Variants in VAV3 observed in about 807,000 individuals in gnomAD.
The protein encoded by VAV3 is guanine nucleotide exchange factor VAV3.
Under a neutral mutation model 131.2 loss-of-function variants are expected in VAV3, and 94 were observed. That is an observed-to-expected ratio of 0.72 (90% confidence interval 0.61 to 0.85). The LOEUF is 0.85. Ranked by LOEUF, VAV3 falls within the 40% of genes least tolerant of loss-of-function variation. VAV3 has a pLI of 0.00. For synonymous variants in VAV3, 349 were observed against 342.0 expected (o/e 1.02, Z -0.22); for missense variants, 939 against 1,002.7 (o/e 0.94, Z 0.86).
intron 20 of VAV3, among the ~76,000 whole-genome samples, chr1:107,631,016 G>C (rs1330898967): frequency 3.3e-5 from 5 of 152,076 alleles, no homozygotes; most frequent in Non-Finnish European, 5.9e-5. Flanking sequence ...GATCTTAAGT[G>C]CTTTTTTCAA....
intron 2 of VAV3, among the ~76,000 whole-genome samples, chr1:107,831,894 T>C (rs148213914): frequency 1.3e-3 from 192 of 152,340 alleles, no homozygotes; most frequent in African/African-American, 4.2e-3. Context: ...GTATGTAAAA[T>C]TGCACCACAT....
intron 2 of VAV3, among the ~76,000 whole-genome samples, chr1:107,824,424 G>A (rs962569820): frequency 3.3e-5 from 5 of 152,092 alleles, no homozygotes; most frequent in Admixed American, 6.5e-5. Context: ...GGCCCCATAC[G>A]GAGGTTCAAA....
intron 4 of VAV3, among the ~76,000 whole-genome samples, chr1:107,773,879 C>T (rs923073579): frequency 6.6e-6 from 1 of 152,092 alleles, no homozygotes; most frequent in African/African-American, 2.4e-5. Flanking sequence ...TGGAGGGGAT[C>T]CTGTTTGGAA....
intron 1 of VAV3, among the ~76,000 whole-genome samples, chr1:107,904,438 G>A (rs1274333255): frequency 6.6e-6 from 1 of 152,090 alleles, no homozygotes; most frequent in African/African-American, 2.4e-5. Context: ...AATCACCAAC[G>A]ACCTCTCAAC....
At chr1:107,838,336 C>G (rs1668562401) in intron 2 of VAV3, among the ~76,000 whole-genome samples, 1 of 152,138 alleles carries the variant, frequency 6.6e-6, no homozygotes, top group African/African-American at 2.4e-5. Context: ...ACACAAGTCT[C>G]CAACAAACAT....
At chr1:107,738,426 A>G (rs1346368095) in intron 15 of VAV3, among the ~76,000 whole-genome samples, 2 of 152,244 alleles carry the variant, frequency 1.3e-5, no homozygotes, top group Non-Finnish European at 2.9e-5. Flanking sequence ...GAACTTGTCT[A>G]TCACTCTACC....
At chr1:107,641,023 A>G (rs1314402338) in intron 20 of VAV3, among the ~76,000 whole-genome samples, 1 of 152,204 alleles carries the variant, frequency 6.6e-6, no homozygotes, top group Admixed American at 6.5e-5. Flanking sequence ...AAATGCAAGT[A>G]TGTTTTCTGG....
Sources: allele counts gnomAD v4.1 joint callset (sites outside exome capture counted in the v4.1 genomes callset), GRCh38; gene constraint gnomAD v4.1.1; transcripts MANE v1.5; gene names NCBI Gene and HGNC (gene_info 2026-07-23, HGNC 2026-07-21).